The following SLC9A9 variants were observed in gnomAD, a reference collection of about 807,000 sequenced individuals.
SLC9A9 encodes the protein sodium/hydrogen exchanger 9.
Under a neutral mutation model 77.8 loss-of-function variants are expected in SLC9A9, and 62 were observed. The ratio of observed to expected loss-of-function variants is 0.80; its 90% confidence interval spans 0.65 to 0.98. The LOEUF is 0.98. Ranked by LOEUF, SLC9A9 falls within the 50% of genes least tolerant of loss-of-function variation. The pLI, the probability that SLC9A9 is intolerant of heterozygous loss-of-function variation, is 0.00. For synonymous variants in SLC9A9, 320 were observed against 283.5 expected (o/e 1.13, Z -1.29); for missense variants, 775 against 774.9 (o/e 1.00, Z 0.00).
chr3:143,384,761 G>A (rs772650669), intron 12 of SLC9A9, among the ~76,000 whole-genome samples: 2 of 152,210 alleles, frequency 1.3e-5, no homozygotes, highest in Non-Finnish European at 2.9e-5. Flanking sequence ...AACGCCACAA[G>A]TGGCTTGAGG....
In SLC9A9 at chr3:143,590,460, A is replaced by T. The variant is rs139995574; in HGVS notation, c.756-11737T>A. 6.6e-5 allele frequency among the ~76,000 whole-genome samples: 10 copies of T among 152,358 alleles called. No individual in the cohort carries two copies. In the East Asian group the frequency reaches 1.9e-3, roughly 29 times the overall value. ...GGAATTCCAACTAGTGTATTAGAAC[A>T]TTATAAGAATCTTTTGGGGTAGAAT... On this transcript the variant is annotated intron_variant, in intron 6 of 15. Coordinates refer to ENST00000316549, the MANE Select transcript of SLC9A9 (RefSeq NM_173653.4).
intron 14 of SLC9A9, among the ~76,000 whole-genome samples, chr3:143,301,950 T>A (rs2030541534): frequency 6.6e-6 from 1 of 152,180 alleles, no homozygotes; most frequent in Non-Finnish European, 1.5e-5. Flanking sequence ...CTTGCAGAAC[T>A]GCAGAGTGGA....
chr3:143,722,387 G>A (rs1302831756), intron 4 of SLC9A9, among the ~76,000 whole-genome samples: 1 of 144,956 alleles, frequency 6.9e-6, no homozygotes, highest in Non-Finnish European at 1.5e-5. Flanking sequence ...GCAGAAGAAT[G>A]GCGTGAACCA....
At chr3:143,629,064 T>C (rs753004958) in intron 6 of SLC9A9, among the ~76,000 whole-genome samples, 1 of 152,224 alleles carries the variant, frequency 6.6e-6, no homozygotes, top group Non-Finnish European at 1.5e-5. Flanking sequence ...CTCTGTAACA[T>C]CTGCATGTAG....
chr3:143,601,213 G>A (rs939931586), intron 6 of SLC9A9, among the ~76,000 whole-genome samples: 1 of 152,118 alleles, frequency 6.6e-6, no homozygotes, highest in African/African-American at 2.4e-5. Flanking sequence ...TATTGTAGGT[G>A]CTGGAGATAT....
At chr3:143,610,258 C>T (rs531692439) in intron 6 of SLC9A9, among the ~76,000 whole-genome samples, 5 of 152,290 alleles carry the variant, frequency 3.3e-5, no homozygotes, top group African/African-American at 1.2e-4. Context: ...AAGCAATCCT[C>T]CCACCTCAGG....
intron 14 of SLC9A9, among the ~76,000 whole-genome samples, chr3:143,330,811 T>C (rs1324490723): frequency 1.3e-5 from 2 of 152,244 alleles, no homozygotes; most frequent in African/African-American, 2.4e-5. Context: ...AATTTTAAAC[T>C]TTTGGATGCC....
At chr3:143,578,789 A>T in intron 6 of SLC9A9, 66 bp from the exon 7 acceptor site, 6 of 1,595,684 alleles carry the variant, frequency 3.8e-6, no homozygotes, top group Non-Finnish European at 5.2e-6. Flanking sequence ...AGGATTTCGC[A>T]CCCACTTTGG....
intron 12 of SLC9A9, among the ~76,000 whole-genome samples, chr3:143,387,358 C>T (rs1281354129): frequency 1.3e-5 from 2 of 151,818 alleles, no homozygotes; most frequent in Non-Finnish European, 2.9e-5. Context: ...TGTAAAGGTG[C>T]ATGCAGCCTT....
At chr3:143,577,717 C>G (rs903425667) in intron 7 of SLC9A9, among the ~76,000 whole-genome samples, 5 of 152,170 alleles carry the variant, frequency 3.3e-5, no homozygotes, top group African/African-American at 1.2e-4. Flanking sequence ...CTGGGCAAGA[C>G]CCCATAGAAA....
intron 12 of SLC9A9, among the ~76,000 whole-genome samples, chr3:143,452,609 T>G (rs2035027271): frequency 6.6e-6 from 1 of 152,040 alleles, no homozygotes; most frequent in Non-Finnish European, 1.5e-5. Context: ...AATTTAAATA[T>G]GTACTGATAA....
chr3:143,391,981 T>C (rs1254499973), intron 12 of SLC9A9, among the ~76,000 whole-genome samples: 2 of 152,158 alleles, frequency 1.3e-5, no homozygotes, highest in African/African-American at 4.8e-5. Context: ...CTGATTGGTG[T>C]ACCTGAAAGT....
At chr3:143,336,942 A>G (rs2031943556) in intron 14 of SLC9A9, among the ~76,000 whole-genome samples, 1 of 152,178 alleles carries the variant, frequency 6.6e-6, no homozygotes, top group African/African-American at 2.4e-5. Flanking sequence ...ATCTTAAAGT[A>G]TTAGCTTCAG....
At chr3:143,297,241 G>A (rs1314930696) in intron 14 of SLC9A9, among the ~76,000 whole-genome samples, 1 of 152,170 alleles carries the variant, frequency 6.6e-6, no homozygotes, top group Non-Finnish European at 1.5e-5. Context: ...GTGGATATAA[G>A]CTTTCCCAGT....
At chr3:143,651,419 C>A (rs922713797) in intron 6 of SLC9A9, among the ~76,000 whole-genome samples, 1 of 152,246 alleles carries the variant, frequency 6.6e-6, no homozygotes, top group African/African-American at 2.4e-5. Context: ...TTACTCCCCT[C>A]TGTGAGATCT....
intron 12 of SLC9A9, among the ~76,000 whole-genome samples, chr3:143,417,548 G>A (rs1004380058): frequency 6.6e-6 from 1 of 151,262 alleles, no homozygotes; most frequent in African/African-American, 2.4e-5. Flanking sequence ...GATGGATGGA[G>A]GGAGGGAAAA....
intron 5 of SLC9A9, among the ~76,000 whole-genome samples, chr3:143,685,809 A>G (rs1173992660): frequency 6.6e-6 from 1 of 152,192 alleles, no homozygotes; most frequent in African/African-American, 2.4e-5. Flanking sequence ...ACACACGATT[A>G]TAACTGCTTC....
intron 2 of SLC9A9, among the ~76,000 whole-genome samples, chr3:143,819,440 G>A (rs1386057037): frequency 1.3e-5 from 2 of 152,172 alleles, no homozygotes; most frequent in Non-Finnish European, 2.9e-5. Flanking sequence ...TTGTAGAAAG[G>A]ACATTGAACT....
intron 12 of SLC9A9, among the ~76,000 whole-genome samples, chr3:143,421,400 G>A (rs2034294090): frequency 6.6e-6 from 1 of 152,052 alleles, no homozygotes; most frequent in African/African-American, 2.4e-5. Flanking sequence ...CGTTGTACTG[G>A]TACAAAAACA....
Sources: allele counts gnomAD v4.1 joint callset (sites outside exome capture counted in the v4.1 genomes callset), GRCh38; gene constraint gnomAD v4.1.1; transcripts MANE v1.5; gene names NCBI Gene and HGNC (gene_info 2026-07-23, HGNC 2026-07-21).